Variants in ERC1 observed in about 807,000 individuals in gnomAD.
ERC1 encodes the protein ELKS/RAB6-interacting/CAST family member 1.
Under a neutral mutation model 132.0 loss-of-function variants are expected in ERC1, and 56 were observed. The observed-to-expected ratio is 0.42, with a 90% confidence interval of 0.34 to 0.53. ERC1 has a LOEUF of 0.53. Among genes scored for constraint, ERC1 ranks in the 20% least tolerant of loss-of-function variants. The pLI is 0.03. For missense variants in ERC1, 1,202 were observed against 1,349.9 expected (o/e 0.89, Z 1.72); for synonymous variants, 478 against 476.1 (o/e 1.00, Z -0.05).
chr12:1,236,390 A>G (rs1426980523), intron 12 of ERC1, among the ~76,000 whole-genome samples: 1 of 152,206 alleles, frequency 6.6e-6, no homozygotes, highest in Non-Finnish European at 1.5e-5. Context: ...TTGTTTTACA[A>G]AGCTTTCTTT....
At chr12:1,341,772 G>A (rs1032897792) in intron 15 of ERC1, among the ~76,000 whole-genome samples, 1 of 152,060 alleles carries the variant, frequency 6.6e-6, no homozygotes. Context: ...TATGAAACCT[G>A]CCTGTTGTGT....
intron 17 of ERC1, among the ~76,000 whole-genome samples, chr12:1,429,808 T>C (rs1371790741): frequency 2.6e-5 from 4 of 152,210 alleles, no homozygotes; most frequent in African/African-American, 4.8e-5. Flanking sequence ...TGCAAAGATA[T>C]AGAAGCATAA....
chr12:1,493,567 A>G lies in ERC1; in HGVS notation c.*3337A>G. The G allele has an allele frequency of 8.4e-6, 1 of 119,732 alleles. No homozygotes were observed. The highest frequency in any genetic ancestry group is 1.8e-5 in the Non-Finnish European group (1 of 56,444). 7.4% of individuals were successfully genotyped at this position (119,732 alleles called of 1,614,324 possible). On this transcript the variant is annotated 3_prime_UTR_variant, in exon 19 of 19. Coordinates refer to ENST00000360905, the MANE Select transcript of ERC1 (RefSeq NM_178040.4). ...AAAAAAAATATATATATATATATAT[A>G]TATATATATATGGATGGGAATCACC...
At chr12:1,475,504 G>A (rs2093952183) in intron 18 of ERC1, among the ~76,000 whole-genome samples, 1 of 152,132 alleles carries the variant, frequency 6.6e-6, no homozygotes. Context: ...AGAGAAAAGG[G>A]GCTCAACCGT....
At chr12:1,440,398 G>A (rs936397536) in intron 17 of ERC1, among the ~76,000 whole-genome samples, 92 of 150,364 alleles carry the variant, frequency 6.1e-4, no homozygotes, top group Middle Eastern at 3.4e-3. Context: ...AGTAGAGACG[G>A]GGTTTCACCG....
At chr12:1,060,947 C>T (rs891329897) in intron 2 of ERC1, among the ~76,000 whole-genome samples, 3 of 152,112 alleles carry the variant, frequency 2.0e-5, no homozygotes, top group East Asian at 3.9e-4. Flanking sequence ...AGGATGATCT[C>T]GATCTCCTGA....
chr12:1,201,572 T>A (rs1956919327), intron 12 of ERC1, among the ~76,000 whole-genome samples: 1 of 152,210 alleles, frequency 6.6e-6, no homozygotes, highest in African/African-American at 2.4e-5. Flanking sequence ...TTGGACCATC[T>A]CCTTGGCAAA....
intron 18 of ERC1, among the ~76,000 whole-genome samples, chr12:1,453,068 T>C (rs1229465551): frequency 6.6e-6 from 1 of 152,224 alleles, no homozygotes; most frequent in East Asian, 1.9e-4. Flanking sequence ...CTTGTTCTTC[T>C]CTAAGCAGTA....
At chr12:1,342,312 C>G (rs1360542758) in intron 15 of ERC1, among the ~76,000 whole-genome samples, 2 of 151,548 alleles carry the variant, frequency 1.3e-5, no homozygotes, top group African/African-American at 4.8e-5. Context: ...TAAAAAAATA[C>G]AAAAATTAGC....
chr12:1,277,121 CAG>C (rs906675209), intron 14 of ERC1, among the ~76,000 whole-genome samples: 1 of 152,156 alleles, frequency 6.6e-6, no homozygotes, highest in African/African-American at 2.4e-5. Flanking sequence ...AGTGGCAAAA[CAG>C]AGGGCTTATA....
intron 15 of ERC1, among the ~76,000 whole-genome samples, chr12:1,292,839 C>T (rs1005585710): frequency 7.3e-5 from 11 of 151,544 alleles, no homozygotes; most frequent in Non-Finnish European, 4.4e-5. Flanking sequence ...GGTGAAACCC[C>T]GTCTCTACTG....
At chr12:1,164,256 A>G (rs1952149330) in intron 8 of ERC1, among the ~76,000 whole-genome samples, 1 of 148,440 alleles carries the variant, frequency 6.7e-6, no homozygotes, top group Non-Finnish European at 1.5e-5. Context: ...ATTTTATTTT[A>G]TTTTATTTTA....
chr12:1,222,929 T>C (rs1408473234), intron 12 of ERC1, among the ~76,000 whole-genome samples: 1 of 152,242 alleles, frequency 6.6e-6, no homozygotes, highest in African/African-American at 2.4e-5. Flanking sequence ...AAGGAAGATA[T>C]TTATTTTTTA....
chr12:1,388,815 A>G (rs780771299), intron 16 of ERC1, among the ~76,000 whole-genome samples: 1 of 152,132 alleles, frequency 6.6e-6, no homozygotes, highest in African/African-American at 2.4e-5. Flanking sequence ...AGATGGAGTA[A>G]TGTATTCACT....
At chr12:1,356,213 AGTGTGT>A (rs71055145) in intron 15 of ERC1, among the ~76,000 whole-genome samples, 6,474 of 129,950 alleles carry the variant, frequency 0.05, 194 homozygotes, top group Non-Finnish European at 0.069. Context: ...AAAAAAAAAA[AGTGTGT>A]GTGTGTGTGT....
At chr12:1,411,241 G>A (rs1490805719) in intron 17 of ERC1, among the ~76,000 whole-genome samples, 1 of 152,112 alleles carries the variant, frequency 6.6e-6, no homozygotes, top group Non-Finnish European at 1.5e-5. Context: ...TTTGACTAAG[G>A]AAATCCTTTT....
chr12:1,212,881 G>T (rs1457891399), intron 12 of ERC1, among the ~76,000 whole-genome samples: 2 of 152,118 alleles, frequency 1.3e-5, no homozygotes, highest in Non-Finnish European at 2.9e-5. Context: ...TCTCAAAATT[G>T]TATCCTCAGT....
intron 8 of ERC1, among the ~76,000 whole-genome samples, chr12:1,164,231 TTTTTATTTTATTTTATTTTA>T (rs201747298): frequency 7.4e-5 from 10 of 136,010 alleles, no homozygotes; most frequent in African/African-American, 2.6e-4. Context: ...GAACCTGCCC[TTTTTATTTTATTTTATTTTA>T]TTTTATTTTA....
chr12:1,276,465 CCTGACCTCAGGTGAT>C (rs2078280233), intron 14 of ERC1, among the ~76,000 whole-genome samples: 1 of 152,064 alleles, frequency 6.6e-6, no homozygotes, highest in African/African-American at 2.4e-5. Context: ...GTCTCGAACT[CCTGACCTCAGGTGAT>C]CTGCCCACCT....
Sources: gnomAD v4.1 joint callset for allele counts (sites outside exome capture counted in the v4.1 genomes callset) on GRCh38, gnomAD v4.1.1 for gene constraint, MANE v1.5 for transcripts, NCBI Gene and HGNC (gene_info 2026-07-23, HGNC 2026-07-21) for gene names.